Variants in CIAO3 observed in about 807,000 individuals in gnomAD.
The protein encoded by CIAO3 is LET1 like/JFP15.
A neutral mutation model predicts 51.5 loss-of-function variants in CIAO3; 45 were observed. The observed-to-expected ratio is 0.87, with a 90% CI of 0.69 to 1.12. The LOEUF is 1.12. Among genes scored for constraint, CIAO3 ranks in the 50% most tolerant of loss-of-function variants. The pLI is 0.00. For synonymous variants in CIAO3, 314 were observed against 269.3 expected (o/e 1.17, Z -1.63); for missense variants, 668 against 632.5 (o/e 1.06, Z -0.60).
chr16:739,789 C>T (rs1312489564), intron 1 of CIAO3, 51 bp from the exon 2 acceptor site: 4 of 1,568,498 alleles, frequency 2.6e-6, no homozygotes, highest in South Asian at 1.1e-5. Flanking sequence ...GCGGAGGTTC[C>T]CTGGGAGGCC....
chr16:734,678 A>T, intron 5 of CIAO3, 59 bp downstream of exon 5: 1 of 1,612,020 alleles, frequency 6.2e-7, no homozygotes, highest in Non-Finnish European at 8.5e-7. Context: ...TGTCCATATC[A>T]CCTCACGTTT....
At chr16:740,889 G>T (rs1426601951) in intron 1 of CIAO3, 31 bp downstream of exon 1, 11 of 1,524,818 alleles carry the variant, frequency 7.2e-6, no homozygotes, top group Non-Finnish European at 9.7e-6. Flanking sequence ...ACCGAGCGCA[G>T]CCTCGACCCC....
rs1209418299 is a variant in CIAO3 at position 739,751 on chromosome 16, G to T, written c.67-13C>A. 3.1e-6 allele frequency: 5 copies of T among 1,612,764 alleles called. No individual in the cohort carries two copies. Among genetic ancestry groups the T allele is most frequent in the Non-Finnish European group, 3.4e-6 (4 of 1,179,122 alleles). ...GCTTGATGCACTCCTAGAGCAGGAA[G>T]AGACCCCAAATCAGCCCCTGTGAGT... On this transcript the variant is annotated splice_polypyrimidine_tract_variant and intron_variant, in intron 1 of 10. Coordinates refer to ENST00000251588, the MANE Select transcript of CIAO3 (RefSeq NM_022493.3).
At chr16:738,062 G>A in intron 2 of CIAO3, 2 of 1,056,190 alleles carry the variant, frequency 1.9e-6, no homozygotes, top group Non-Finnish European at 2.3e-6. Flanking sequence ...CTAGGCCTGT[G>A]TATCACAATC....
chr16:734,783 C>T lies in CIAO3; in HGVS notation c.528G>A (p.Gln176=). Residue 176 remains glutamine, a synonymous_variant, in exon 5 of 11, where the codon CAG becomes CAA. Transcript: ENST00000251588. ...GGGGCAGCGCCTGTCTGCAGTCGGC[C>T]TGTCCTCGGAATCGCCGCACAAACT... The part of the protein sequence containing the change: ...QREFVRRFRG[Q]ADCRQALPLL... 4 of 1,610,566 alleles carry T rather than the reference C, an allele frequency of 2.5e-6. No homozygotes were observed. In the South Asian group the frequency reaches 3.3e-5, roughly 13 times the overall value.
intron 2 of CIAO3, chr16:739,411 A>G: frequency 1.7e-6 from 1 of 574,288 alleles, no homozygotes; most frequent in East Asian, 2.9e-5. Context: ...CATCTCTGCA[A>G]ATAGCCCCTC....
In CIAO3 at chr16:737,327, G is replaced by A. The variant is rs752486047; in HGVS notation, c.165C>T (p.Asp55=). 3.1e-6 allele frequency: 5 copies of A among 1,612,846 alleles called. No homozygotes were observed. Among genetic ancestry groups the A allele is most frequent in the East Asian group, 2.2e-5 (1 of 44,894 alleles). ...CCTTCTCCAGCCTCCGGGTCCCGCC[G>A]TCCTACAAGGGAGAAGAACCCGGTG... ...DDGSYFQINQ[D]GGTRRLEKAK... Residue 55 remains aspartate (D), a splice_region_variant and synonymous_variant, in exon 3 of 11, where the codon GAC becomes GAT. Coordinates refer to ENST00000251588, the MANE Select transcript of CIAO3 (RefSeq NM_022493.3). The surrounding 1 kb of genome is among the most constrained non-coding windows in gnomAD (Gnocchi z 5.3).
intron 1 of CIAO3, chr16:740,089 G>A (rs2041376312): frequency 7.5e-7 from 1 of 1,336,412 alleles, no homozygotes; most frequent in Non-Finnish European, 9.8e-7. Flanking sequence ...CCATCGAGAG[G>A]ACGTGTGCTT....
intron 7 of CIAO3, 52 bp from the exon 8 acceptor site, chr16:732,425 A>G: frequency 6.2e-7 from 1 of 1,601,414 alleles, no homozygotes; most frequent in Non-Finnish European, 8.5e-7. Flanking sequence ...CCAGCAACAA[A>G]GTCAGAGAAC....
intron 8 of CIAO3, 36 bp from the exon 9 acceptor site, chr16:731,738 C>G: frequency 6.6e-7 from 1 of 1,508,552 alleles, no homozygotes; most frequent in East Asian, 2.5e-5. Context: ...ACAGCTGGGG[C>G]TGCTGCCTGC....
In CIAO3 at chr16:733,303, G is replaced by A; in HGVS notation, c.818C>T (p.Thr273Ile). Residue 273 changes from threonine (T) to isoleucine (I), a missense_variant, in exon 7 of 11, where the codon ACA (threonine) becomes ATA (isoleucine). Physicochemically the swap from Thr to Ile is moderately conservative, Grantham distance 89. Coordinates refer to ENST00000251588, the MANE Select transcript of CIAO3 (RefSeq NM_022493.3). The stretch of plus-strand genomic sequence containing the variant: ...GCCGCACGGCGTGACCGCACCTGTT[G>A]TGAGGACACAGTCCACATCCCGTGT... Reference protein sequence around the residue: ...HQTRDVDCVLTTGEVFRLLEE... With the variant: ...HQTRDVDCVLITGEVFRLLEE... 6.2e-7 allele frequency: 1 copy of A among 1,613,482 alleles called. No individual in the cohort carries two copies. Among genetic ancestry groups the A allele is most frequent in the Non-Finnish European group, 8.5e-7 (1 of 1,179,960 alleles).
At chr16:731,378 G>A in intron 9 of CIAO3, 187 bp downstream of exon 9, 2 of 777,472 alleles carry the variant, frequency 2.6e-6, no homozygotes, top group Middle Eastern at 3.7e-4. Flanking sequence ...GGCCTGGAGT[G>A]CTTAGGTGCC....
At chr16:738,579 C>T (rs2041362388) in intron 2 of CIAO3, 1 of 150,308 alleles carries the variant, frequency 6.7e-6, no homozygotes, top group Non-Finnish European at 1.4e-5. Context: ...GTCTCGATCT[C>T]CTGACCTCGT....
chr16:729,796 C>T lies in CIAO3; in HGVS notation c.*621G>A, dbSNP rs1567341698. On this transcript the variant is annotated 3_prime_UTR_variant, in exon 11 of 11. Coordinates refer to ENST00000251588, the MANE Select transcript of CIAO3 (RefSeq NM_022493.3). Reference sequence around the variant, plus strand: ...AGGAGGGGTGCGTTTATTAGACAAACGCTGGGAGACAGGCCTGGTGGGGAC... The same window carrying T: ...AGGAGGGGTGCGTTTATTAGACAAATGCTGGGAGACAGGCCTGGTGGGGAC... 14 of 1,088,340 alleles carry T rather than the reference C, an allele frequency of 1.3e-5. No homozygotes were observed. The highest frequency in any genetic ancestry group is 3.3e-5 in the South Asian group (2 of 61,140). 67.4% of individuals were successfully genotyped at this position (1,088,340 alleles called of 1,614,324 possible). A position where few individuals can be genotyped will look rare whatever the true frequency, so the allele number is the denominator to read the frequency against.
intron 7 of CIAO3, chr16:732,868 C>T (rs2041299641): frequency 3.2e-6 from 1 of 314,532 alleles, no homozygotes; most frequent in South Asian, 2.8e-5. Context: ...GAACTCCTGA[C>T]CTCGTGATCC....
intron 2 of CIAO3, chr16:738,305 G>GT (rs2041358881): frequency 1.5e-5 from 15 of 984,626 alleles, no homozygotes; most frequent in African/African-American, 1.8e-5. Flanking sequence ...TCAGGCAGAC[G>GT]TTTTTTAGAG....
intron 6 of CIAO3, chr16:733,694 G>A (rs1050522767): frequency 1.9e-5 from 9 of 479,738 alleles, no homozygotes; most frequent in South Asian, 6.3e-5. Context: ...GCCTTCCCAC[G>A]GCTCGGGCCG....
intron 5 of CIAO3, 50 bp downstream of exon 5, chr16:734,687 T>C: frequency 6.2e-7 from 1 of 1,612,694 alleles, no homozygotes; most frequent in South Asian, 1.1e-5. Flanking sequence ...CACCTCACGT[T>C]TCAACTGCAC....
chr16:737,616 A>C lies in CIAO3; in HGVS notation c.163-287T>G. 1 of 1,391,862 alleles carries C rather than the reference A, an allele frequency of 7.2e-7. No individual in the cohort carries two copies. 86.2% of individuals were successfully genotyped at this position (1,391,862 alleles called of 1,614,324 possible). A position where few individuals can be genotyped will look rare whatever the true frequency, so the allele number is the denominator to read the frequency against. On this transcript the variant is annotated intron_variant, in intron 2 of 10. Transcript: ENST00000251588. The surrounding 1 kb of genome is among the most constrained non-coding windows in gnomAD (Gnocchi z 5.3). Reference sequence around the variant, plus strand: ...CAGCAAAGCAGCAGCCACCCCACTCACCCATGGGGCCCTGGACGGGGTGCT... The same window carrying C: ...CAGCAAAGCAGCAGCCACCCCACTCCCCCATGGGGCCCTGGACGGGGTGCT...
Sources: gnomAD v4.1 joint callset for allele counts on GRCh38, gnomAD v4.1.1 for gene constraint, Gnocchi (gnomAD v3.1) non-coding constraint, MANE v1.5 for transcripts, NCBI Gene and HGNC (gene_info 2026-07-23, HGNC 2026-07-21) for gene names.